The following MMP27 variants were observed in gnomAD, a reference collection of about 807,000 sequenced individuals.
MMP27 encodes the protein matrix metallopeptidase 27, also known as matrix metalloproteinase-27.
In MMP27, 51 loss-of-function variants were observed where a neutral mutation model predicts 48.1. The observed-to-expected ratio is 1.06, with a 90% CI of 0.85 to 1.34. MMP27 has a LOEUF of 1.34. Ranked by LOEUF, MMP27 falls within the 40% of genes most tolerant of loss-of-function variation. MMP27 has a pLI of 0.00. For missense variants in MMP27, 698 were observed against 619.3 expected (o/e 1.13, Z -1.35); for synonymous variants, 229 against 208.9 (o/e 1.10, Z -0.83).
At chr11:102,696,863 A>G in intron 4 of MMP27, 28 bp from the exon 5 acceptor site, 1 of 1,591,050 alleles carries the variant, frequency 6.3e-7, no homozygotes, top group Non-Finnish European at 8.5e-7. Flanking sequence ...AAACACGAGC[A>G]CATGACTTAA....
At chr11:102,695,259 A>C (rs1326397890) in intron 6 of MMP27, among the ~76,000 whole-genome samples, 162 bp from the exon 7 acceptor site, 1 of 152,196 alleles carries the variant, frequency 6.6e-6, no homozygotes, top group Non-Finnish European at 1.5e-5. Flanking sequence ...TTGTGAGTTC[A>C]GTTCAGTTTG....
intron 4 of MMP27, 130 bp downstream of exon 4, chr11:102,702,623 C>T: frequency 1.9e-6 from 2 of 1,062,762 alleles, no homozygotes; most frequent in East Asian, 2.4e-5. Context: ...CCATCAAGGT[C>T]ATCTTGGAAT....
At chr11:102,701,292 A>G (rs903819892) in intron 4 of MMP27, among the ~76,000 whole-genome samples, 1 of 114,424 alleles carries the variant, frequency 8.7e-6, no homozygotes, top group African/African-American at 3.4e-5. Flanking sequence ...ACCCAGATAC[A>G]TCGGACTTAA....
chr11:102,701,794 G>A (rs1860944944), intron 4 of MMP27, among the ~76,000 whole-genome samples: 1 of 152,222 alleles, frequency 6.6e-6, no homozygotes, highest in Non-Finnish European at 1.5e-5. Flanking sequence ...TTCTGACTGA[G>A]CAGTGAGTGG....
intron 8 of MMP27, 67 bp downstream of exon 8, chr11:102,693,839 C>T (rs1460674288): frequency 7.6e-7 from 1 of 1,323,720 alleles, no homozygotes; most frequent in African/African-American, 1.5e-5. Flanking sequence ...TTGTCTGTGT[C>T]AAAGTGATGC....
intron 4 of MMP27, among the ~76,000 whole-genome samples, chr11:102,700,745 CCA>C (rs778756611): frequency 1.3e-5 from 2 of 152,226 alleles, no homozygotes; most frequent in Non-Finnish European, 2.9e-5. Flanking sequence ...CACGTGTGTG[CCA>C]CACACACACT....
chr11:102,704,503 G>T, intron 2 of MMP27, 34 bp downstream of exon 2: 1 of 1,461,220 alleles, frequency 6.8e-7, no homozygotes, highest in Non-Finnish European at 9.6e-7. Flanking sequence ...ATGTTCCTTT[G>T]GATTAGGCGG....
Position 102,695,038 on chromosome 11 carries a change from A to G in MMP27, c.962T>C (p.Phe321Ser). 1 of 1,614,038 alleles carries G rather than the reference A, an allele frequency of 6.2e-7. No individual in the cohort carries two copies. The part of the protein sequence containing the change: ...TDVEFELIAS[F>S]WPSLPADLQA... The stretch of plus-strand genomic sequence containing the variant: ...CAGATCAGCTGGCAGAGATGGCCAG[A>G]ATGAAGCAATTAATTCAAACTCAAC... The change falls in exon 7 of 10, where the codon TTC becomes TCC. Residue 321 changes from phenylalanine to serine, a missense_variant. Physicochemically the swap from Phe to Ser is radical, Grantham distance 155. Coordinates refer to ENST00000260229, the MANE Select transcript of MMP27 (RefSeq NM_022122.3).
rs750963522 is a variant in MMP27 at position 102,695,090 on chromosome 11, A to T, written c.910T>A (p.Trp304Arg). ...EVMFFKGRHL[W>R]RIYYDITDVE... is the part of the protein sequence containing the mutation. ...TCCGTGATATCATAATAGATCCTCCATAGGTGCCTGTGTTAAACAAAAAAC... is the reference window on the plus strand; with the variant it reads ...TCCGTGATATCATAATAGATCCTCCTTAGGTGCCTGTGTTAAACAAAAAAC... The change falls in exon 7 of 10, where the codon TGG becomes AGG. Residue 304 changes from tryptophan to arginine, a missense_variant. Transcript: ENST00000260229. The T allele has an allele frequency of 6.2e-6, 10 of 1,613,708 alleles. No individual in the cohort carries two copies. The highest frequency in any genetic ancestry group is 1.7e-6 in the Non-Finnish European group (2 of 1,179,778).
chr11:102,694,718 G>A (rs1357926657), intron 7 of MMP27, among the ~76,000 whole-genome samples: 1 of 152,014 alleles, frequency 6.6e-6, no homozygotes, highest in Non-Finnish European at 1.5e-5. Flanking sequence ...CCTTTATTTG[G>A]CAGAAAAAGA....
At position 102,692,986 on chromosome 11, in the gene MMP27, G is replaced by A; in HGVS notation, c.1249C>T (p.His417Tyr). 6.2e-7 allele frequency: 1 copy of A among 1,613,802 alleles called. No homozygotes were observed. The highest frequency in any genetic ancestry group is 1.1e-5 in the South Asian group (1 of 91,072). ...ACACGGATACTGATTCCAGGAAAGTGTTTTACCACTCTCTGCGGGAACCCT... is the reference window on the plus strand; with the variant it reads ...ACACGGATACTGATTCCAGGAAAGTATTTTACCACTCTCTGCGGGAACCCT... The part of the protein sequence containing the change: ...DKGFPQRVVK[H>Y]FPGISIRVDA... The change falls in exon 9 of 10, where the codon CAC becomes TAC. Residue 417 changes from histidine to tyrosine, a missense_variant. Transcript: ENST00000260229.
chr11:102,695,886 A>G (rs990939352), intron 6 of MMP27, among the ~76,000 whole-genome samples: 2 of 152,246 alleles, frequency 1.3e-5, no homozygotes, highest in African/African-American at 4.8e-5. Context: ...AGAAACGTTC[A>G]GTGAGGTGCT....
rs766084332 is a variant in MMP27 at position 102,704,688 on chromosome 11, G to A, written c.190C>T (p.Arg64Trp). 8.7e-6 allele frequency: 14 copies of A among 1,613,574 alleles called. No individual in the cohort carries two copies. The highest frequency in any genetic ancestry group is 1.7e-5 in the Admixed American group (1 of 59,948). The change falls in exon 2 of 10, where the codon CGG (arginine) becomes TGG (tryptophan). Residue 64 changes from arginine (R) to tryptophan (W), a missense_variant. Coordinates refer to ENST00000260229, the MANE Select transcript of MMP27 (RefSeq NM_022122.3). ...KNRSLIDDKI[R>W]EMQAFFGLTV... ...AATCCAAAAAATGCTTGCATTTCCC[G>A]AATTTTGTCATCTATGAGACTCCTA... is the stretch of plus-strand genomic sequence containing the variant.
At chr11:102,704,914 G>C (rs1861018610) in intron 1 of MMP27, 139 bp from the exon 2 acceptor site, 1 of 606,724 alleles carries the variant, frequency 1.6e-6, no homozygotes, top group East Asian at 2.8e-5. Context: ...GAGAGAAAGT[G>C]AGGAGTGAAG....
Position 102,697,211 on chromosome 11 carries a change from G to T in MMP27, c.620-376C>A, listed in dbSNP as rs185540788. 1.1e-4 allele frequency among the ~76,000 whole-genome samples: 16 copies of T among 152,284 alleles called. 1 individual carries two copies. Among genetic ancestry groups the T allele is most frequent in the African/African-American group, 3.9e-4 (16 of 41,532 alleles). ...TAGCACAATGGTAAGCAATTATTTA[G>T]CGCAATGGTAAGCATTTGTCTATCT... On this transcript the variant is annotated intron_variant, in intron 4 of 9. Coordinates refer to ENST00000260229, the MANE Select transcript of MMP27 (RefSeq NM_022122.3).
chr11:102,693,892 G>T lies in MMP27; in HGVS notation c.1193+14C>A. On this transcript the variant is annotated intron_variant, in intron 8 of 9. Coordinates refer to ENST00000260229, the MANE Select transcript of MMP27 (RefSeq NM_022122.3). ...TCCATAATAAAACAAAGTGTCAATT[G>T]TCTGTAAACTTACCTCCAGCACCAA... is the stretch of plus-strand genomic sequence containing the variant. 6.3e-7 allele frequency: 1 copy of T among 1,576,998 alleles called. No individual in the cohort carries two copies. The highest frequency in any genetic ancestry group is 1.8e-5 in the Admixed American group (1 of 54,336).
At chr11:102,698,451 G>A (rs746223988) in intron 4 of MMP27, among the ~76,000 whole-genome samples, 9 of 149,906 alleles carry the variant, frequency 6.0e-5, no homozygotes, top group African/African-American at 1.2e-4. Context: ...GCTTGAAACC[G>A]GTGTCTCAGA....
chr11:102,704,151 A>G (rs1222168097), intron 2 of MMP27, among the ~76,000 whole-genome samples: 4 of 152,156 alleles, frequency 2.6e-5, no homozygotes, highest in Admixed American at 6.5e-5. Flanking sequence ...TCTGACATAA[A>G]CTGGTTGTGT....
intron 4 of MMP27, among the ~76,000 whole-genome samples, chr11:102,699,128 T>A (rs1227834831): frequency 6.6e-6 from 1 of 152,174 alleles, no homozygotes; most frequent in Non-Finnish European, 1.5e-5. Flanking sequence ...TGCCTTTGTC[T>A]TTGTCTGCCT....
Sources: gnomAD v4.1 joint callset for allele counts (sites outside exome capture counted in the v4.1 genomes callset) on GRCh38, gnomAD v4.1.1 for gene constraint, MANE v1.5 for transcripts, NCBI Gene and HGNC (gene_info 2026-07-23, HGNC 2026-07-21) for gene names.